KRTAP1-5: variants seen among roughly 807,000 people sequenced by gnomAD.
The protein encoded by KRTAP1-5 is keratin associated protein 1-5.
A neutral mutation model predicts 14.2 loss-of-function variants in KRTAP1-5; 10 were observed. The observed-to-expected ratio is 0.70, with a 90% confidence interval of 0.43 to 1.19. The LOEUF (loss-of-function observed/expected upper bound fraction) is 1.19, where lower values mean the gene tolerates loss of function less well. Among genes scored for constraint, KRTAP1-5 ranks in the 50% most tolerant of loss-of-function variants. KRTAP1-5 has a pLI of 0.00. For synonymous variants in KRTAP1-5, 107 were observed against 80.2 expected (o/e 1.33, Z -1.79); for missense variants, 234 against 223.5 (o/e 1.05, Z -0.30).
Position 41,026,088 on chromosome 17 carries a change from A to G in KRTAP1-5, c.*543T>C, listed in dbSNP as rs2012316694. The G allele has an allele frequency of 2.0e-5, 3 of 153,064 alleles. No individual in the cohort carries two copies. The highest frequency in any genetic ancestry group is 6.5e-5 in the Admixed American group (1 of 15,324). The allele number at this position is 153,064 out of a possible 1,614,324, so 9.5% of individuals were successfully genotyped here. ...CAGAAGACATTGTATCACAGATATA[A>G]CTGAAATATCCAGCAGGCAAGATCA... is the stretch of plus-strand genomic sequence containing the variant. On this transcript the variant is annotated 3_prime_UTR_variant, in exon 1 of 1. Coordinates refer to ENST00000361883, the MANE Select transcript of KRTAP1-5 (RefSeq NM_031957.2).
the KRTAP1-5 span, chr17:41,027,080 G>A: frequency 6.2e-7 from 1 of 1,613,778 alleles, no homozygotes; most frequent in African/African-American, 1.3e-5. Context: ...CAGCTTGGCT[G>A]GCAGCAGCTG....
chr17:41,026,743 CA>C, the KRTAP1-5 span: 1 of 1,613,518 alleles, frequency 6.2e-7, no homozygotes, highest in South Asian at 1.1e-5. Flanking sequence ...TGGGGGCGTG[CA>C]GCTCACCACA....
At position 41,026,731 on chromosome 17, in the gene KRTAP1-5, G is replaced by A; in HGVS notation, c.425C>T (p.Ser142Phe). Residue 142 changes from serine (S) to phenylalanine (F), a missense_variant, in exon 1 of 1, where the codon TCC becomes TTC. Ser to Phe is a radical substitution (Grantham distance 155). Transcript: ENST00000361883. ...CTGGGCATGGTGCAGTTGGCAGCAG[G>A]ATGGGGGCGTGCAGCTCACCACACA... ...PCCVVSCTPPSCCQLHHAQAS... is the reference protein window; with the variant it reads ...PCCVVSCTPPFCCQLHHAQAS... The A allele has an allele frequency of 6.2e-7, 1 of 1,613,800 alleles. No individual in the cohort carries two copies. Among genetic ancestry groups the A allele is most frequent in the Non-Finnish European group, 8.5e-7 (1 of 1,180,024 alleles).
In KRTAP1-5 at chr17:41,026,720, G is replaced by T; in HGVS notation, c.436C>A (p.Leu146Met). 1 of 1,613,866 alleles carries T rather than the reference G, an allele frequency of 6.2e-7. No homozygotes were observed. Among genetic ancestry groups the T allele is most frequent in the Non-Finnish European group, 8.5e-7 (1 of 1,180,024 alleles). ...CAGCAGGAGGCCTGGGCATGGTGCA[G>T]TTGGCAGCAGGATGGGGGCGTGCAG... ...VSCTPPSCCQ[L>M]HHAQASCCRP... Residue 146 changes from leucine (L) to methionine (M), a missense_variant, in exon 1 of 1, where the codon CTG becomes ATG. Transcript: ENST00000361883.
At position 41,026,660 on chromosome 17, in the gene KRTAP1-5, G is replaced by T; in HGVS notation, c.496C>A (p.Pro166Thr). ...PSYCGQSCCR[P>T]VCCCEPTC ...CAAGTGGGCTCACAGCAGCAGACTG[G>T]GCGGCAGCAGGACTGTCCACAGTAG... Residue 166 changes from proline (P) to threonine (T), a missense_variant, in exon 1 of 1, where the codon CCA becomes ACA. Physicochemically the swap from Pro to Thr is conservative, Grantham distance 38 (BLOSUM62 -1). Transcript: ENST00000361883. 6.2e-7 allele frequency: 1 copy of T among 1,607,460 alleles called. No homozygotes were observed. Among genetic ancestry groups the T allele is most frequent in the Non-Finnish European group, 8.5e-7 (1 of 1,175,460 alleles).
Position 41,026,347 on chromosome 17 carries a change from C to T in KRTAP1-5, c.*284G>A, listed in dbSNP as rs748966798. ...GTGGATAGTTCTCATGGATAAATTC[C>T]ACAACATGTCAGTAATTTTTAATCC... On this transcript the variant is annotated 3_prime_UTR_variant, in exon 1 of 1. Coordinates refer to ENST00000361883, the MANE Select transcript of KRTAP1-5 (RefSeq NM_031957.2). 87 of 421,162 alleles carry T rather than the reference C, an allele frequency of 2.1e-4. No individual in the cohort carries two copies. Among genetic ancestry groups the T allele is most frequent in the Middle Eastern group, 1.8e-3 (3 of 1,642 alleles). 26.1% of individuals were successfully genotyped at this position (421,162 alleles called of 1,614,324 possible). A position where few individuals can be genotyped will look rare whatever the true frequency, so the allele number is the denominator to read the frequency against.
rs774989588 is a variant in KRTAP1-5, at chr17:41,026,657, C to T, written c.499G>A (p.Val167Ile). 1 of 1,606,212 alleles carries T rather than the reference C, an allele frequency of 6.2e-7. No homozygotes were observed. The highest frequency in any genetic ancestry group is 8.5e-7 in the Non-Finnish European group (1 of 1,174,688). The change falls in exon 1 of 1, where the codon GTC becomes ATC. Residue 167 changes from valine (V) to isoleucine (I), a missense_variant. Val to Ile is a conservative substitution (Grantham distance 29). Transcript: ENST00000361883. ...CAGCAAGTGGGCTCACAGCAGCAGA[C>T]TGGGCGGCAGCAGGACTGTCCACAG... ...SYCGQSCCRPVCCCEPTC is the reference protein window; with the variant it reads ...SYCGQSCCRPICCCEPTC
chr17:41,026,883 G>T, the KRTAP1-5 span: 1 of 1,611,616 alleles, frequency 6.2e-7, no homozygotes, highest in Non-Finnish European at 8.5e-7. Context: ...AGCCAGTTCC[G>T]CAGGAGCTGA....
rs757978704 is a variant in KRTAP1-5, at chr17:41,026,889, G to C, written c.267C>G (p.Ser89Arg). Residue 89 changes from serine to arginine, a missense_variant, in exon 1 of 1, where the codon AGC becomes AGG. Ser to Arg is a moderately radical substitution (Grantham distance 110). Coordinates refer to ENST00000361883, the MANE Select transcript of KRTAP1-5 (RefSeq NM_031957.2). The stretch of plus-strand genomic sequence containing the variant: ...CAATGCCACAGCCAGTTCCGCAGGA[G>C]CTGATCTGGCAGCAGCTTGGCTGGC... ...SCCQPSCCQI[S>R]SCGTGCGIGG... 2 of 1,612,908 alleles carry C rather than the reference G, an allele frequency of 1.2e-6. No individual in the cohort carries two copies. Among genetic ancestry groups the C allele is most frequent in the Middle Eastern group, 4.0e-4 (2 of 5,038 alleles).
Position 41,026,688 on chromosome 17 carries a change from C to A in KRTAP1-5, c.468G>T (p.Pro156=). The change falls in exon 1 of 1, where the codon CCG becomes CCT. Residue 156 remains proline (P), a synonymous_variant. Transcript: ENST00000361883. ...LHHAQASCCR[P]SYCGQSCCRP... is the part of the protein sequence containing the mutation. ...GGCAGCAGGACTGTCCACAGTAGGA[C>A]GGGCGGCAGCAGGAGGCCTGGGCAT... The A allele has an allele frequency of 6.2e-7, 1 of 1,613,202 alleles. No homozygotes were observed. Among genetic ancestry groups the A allele is most frequent in the Admixed American group, 1.7e-5 (1 of 59,974 alleles).
Position 41,027,135 on chromosome 17 carries a change from G to T in KRTAP1-5, c.21C>A (p.Ser7Arg). The stretch of plus-strand genomic sequence containing the variant: ...TGGAGAAGCTGGGATATCCACAGAA[G>T]CTGGTCTGGCAGCAGGTCATGGTGT... MTCCQT[S>R]FCGYPSFSIS... The change falls in exon 1 of 1, where the codon AGC becomes AGA. Residue 7 changes from serine (S) to arginine (R), a missense_variant. Physicochemically the swap from Ser to Arg is moderately radical, Grantham distance 110 (BLOSUM62 -1). Coordinates refer to ENST00000361883, the MANE Select transcript of KRTAP1-5 (RefSeq NM_031957.2). 6.2e-7 allele frequency: 1 copy of T among 1,614,154 alleles called. No homozygotes were observed. The highest frequency in any genetic ancestry group is 8.5e-7 in the Non-Finnish European group (1 of 1,180,008).
chr17:41,026,627 G>T lies in KRTAP1-5; in HGVS notation c.*4C>A, dbSNP rs932521731. On this transcript the variant is annotated 3_prime_UTR_variant, in exon 1 of 1. Transcript: ENST00000361883. Reference sequence around the variant, plus strand: ...TAGGCAATTGAAAATAAGCAAACTGGCTTTCAGCAAGTGGGCTCACAGCAG... The same window carrying T: ...TAGGCAATTGAAAATAAGCAAACTGTCTTTCAGCAAGTGGGCTCACAGCAG... The T allele has an allele frequency of 6.3e-7, 1 of 1,589,902 alleles. No homozygotes were observed. The highest frequency in any genetic ancestry group is 8.6e-7 in the Non-Finnish European group (1 of 1,165,624).
Position 41,027,093 on chromosome 17 carries a change from G to A in KRTAP1-5, c.63C>T (p.Gly21=). 6.2e-7 allele frequency: 1 copy of A among 1,613,964 alleles called. No individual in the cohort carries two copies. The highest frequency in any genetic ancestry group is 8.5e-7 in the Non-Finnish European group (1 of 1,180,026). The change falls in exon 1 of 1, where the codon GGC becomes GGT. Residue 21 remains glycine, a synonymous_variant. Coordinates refer to ENST00000361883, the MANE Select transcript of KRTAP1-5 (RefSeq NM_031957.2). ...AGCAGCTTGGCTGGCAGCAGCTGGA[G>A]CCACAGGTCCCACTGATGGAGAAGC... ...YPSFSISGTC[G]SSCCQPSCCE...
In KRTAP1-5 at chr17:41,026,411, A is replaced by T. The variant is rs567684622; in HGVS notation, c.*220T>A. ...GAAATAGTATATCCCAAGCAAATTG[A>T]TGATCAGCAGGTGGCTTTGTAGCAT... On this transcript the variant is annotated 3_prime_UTR_variant, in exon 1 of 1. Coordinates refer to ENST00000361883, the MANE Select transcript of KRTAP1-5 (RefSeq NM_031957.2). 5.7e-6 allele frequency: 3 copies of T among 523,862 alleles called. No homozygotes were observed. In the South Asian group the frequency reaches 1.3e-4, roughly 22 times the overall value. 32.5% of individuals were successfully genotyped at this position (523,862 alleles called of 1,614,324 possible). A position where few individuals can be genotyped will look rare whatever the true frequency, so the allele number is the denominator to read the frequency against.
At position 41,026,786 on chromosome 17, in the gene KRTAP1-5, G is replaced by A. The variant is rs769945912; in HGVS notation, c.370C>T (p.Arg124Cys). ...GGGGGTAGGTAGGTGCCCTCCACAC[G>A]ACTGTCTGGGCGGCACCACCTGATA... is the stretch of plus-strand genomic sequence containing the variant. ...TRIRWCRPDS[R>C]VEGTYLPPCC... The change falls in exon 1 of 1, where the codon CGT becomes TGT. Residue 124 changes from arginine (R) to cysteine (C), a missense_variant. By Grantham distance (180) the Arg-to-Cys change is radical. Coordinates refer to ENST00000361883, the MANE Select transcript of KRTAP1-5 (RefSeq NM_031957.2). The A allele has an allele frequency of 9.3e-6, 15 of 1,613,120 alleles. No individual in the cohort carries two copies. Among genetic ancestry groups the A allele is most frequent in the African/African-American group, 5.3e-5 (4 of 74,886 alleles).
Position 41,026,601 on chromosome 17 carries a change from C to T in KRTAP1-5, c.*30G>A. 6.4e-7 allele frequency: 1 copy of T among 1,571,098 alleles called. No individual in the cohort carries two copies. The highest frequency in any genetic ancestry group is 8.6e-7 in the Non-Finnish European group (1 of 1,156,112). ...ATGAACAGTTCAGAGACACTGTGAC[C>T]TAGGCAATTGAAAATAAGCAAACTG... is the stretch of plus-strand genomic sequence containing the variant. On this transcript the variant is annotated 3_prime_UTR_variant, in exon 1 of 1. Transcript: ENST00000361883.
At position 41,027,100 on chromosome 17, in the gene KRTAP1-5, G is replaced by T; in HGVS notation, c.56C>A (p.Thr19Asn). The T allele has an allele frequency of 6.2e-7, 1 of 1,614,214 alleles. No individual in the cohort carries two copies. The highest frequency in any genetic ancestry group is 8.5e-7 in the Non-Finnish European group (1 of 1,180,044). ...TGGCTGGCAGCAGCTGGAGCCACAG[G>T]TCCCACTGATGGAGAAGCTGGGATA... Reference protein sequence around the residue: ...CGYPSFSISGTCGSSCCQPSC... With the variant: ...CGYPSFSISGNCGSSCCQPSC... Residue 19 changes from threonine to asparagine, a missense_variant, in exon 1 of 1, where the codon ACC becomes AAC. Coordinates refer to ENST00000361883, the MANE Select transcript of KRTAP1-5 (RefSeq NM_031957.2).
Position 41,026,793 on chromosome 17 carries a change from T to A in KRTAP1-5, c.363A>T (p.Pro121=). The part of the protein sequence containing the change: ...AVSTRIRWCR[P]DSRVEGTYLP... ...GGTAGGTGCCCTCCACACGACTGTC[T>A]GGGCGGCACCACCTGATACGGGTGC... Residue 121 remains proline, a synonymous_variant, in exon 1 of 1, where the codon CCA becomes CCT. Coordinates refer to ENST00000361883, the MANE Select transcript of KRTAP1-5 (RefSeq NM_031957.2). 3 of 1,613,166 alleles carry A rather than the reference T, an allele frequency of 1.9e-6. No individual in the cohort carries two copies. The highest frequency in any genetic ancestry group is 2.5e-6 in the Non-Finnish European group (3 of 1,180,008).
chr17:41,027,145 C>A lies in KRTAP1-5; in HGVS notation c.11G>T (p.Cys4Phe), dbSNP rs763465602. The A allele has an allele frequency of 3.1e-6, 5 of 1,614,114 alleles. No homozygotes were observed. The highest frequency in any genetic ancestry group is 2.2e-5 in the South Asian group (2 of 91,080). The change falls in exon 1 of 1, where the codon TGC becomes TTC. Residue 4 changes from cysteine (C) to phenylalanine (F), a missense_variant. Coordinates refer to ENST00000361883, the MANE Select transcript of KRTAP1-5 (RefSeq NM_031957.2). The stretch of plus-strand genomic sequence containing the variant: ...GGGATATCCACAGAAGCTGGTCTGG[C>A]AGCAGGTCATGGTGTCAGAAGTTGG... MTC[C>F]QTSFCGYPSF...
Sources: gnomAD v4.1 joint callset for allele counts on GRCh38, gnomAD v4.1.1 for gene constraint, MANE v1.5 for transcripts, NCBI Gene and HGNC (gene_info 2026-07-23, HGNC 2026-07-21) for gene names.